Variants in OTUD7A observed in about 807,000 individuals in gnomAD.
OTUD7A encodes OTU domain-containing protein 7A.
In OTUD7A, 12 loss-of-function variants were observed where a neutral mutation model predicts 65.7. That is an observed-to-expected ratio of 0.18 (90% confidence interval 0.12 to 0.30). OTUD7A has a LOEUF of 0.30. Among genes scored for constraint, OTUD7A ranks in the 10% least tolerant of loss-of-function variants. The pLI, the probability that OTUD7A is intolerant of heterozygous loss-of-function variation, is 1.00. For synonymous variants in OTUD7A, 641 were observed against 586.3 expected (o/e 1.09, Z -1.35); for missense variants, 1,148 against 1,304.8 (o/e 0.88, Z 1.85).
intron 1 of OTUD7A, among the ~76,000 whole-genome samples, chr15:31,834,426 C>A (rs1897006442): frequency 6.6e-6 from 1 of 152,192 alleles, no homozygotes; most frequent in South Asian, 2.1e-4. Context: ...TTAAATTAAT[C>A]AATCATGTTT....
intron 6 of OTUD7A, among the ~76,000 whole-genome samples, chr15:31,528,255 G>C (rs2042041264): frequency 6.6e-6 from 1 of 152,236 alleles, no homozygotes; most frequent in African/African-American, 2.4e-5. Flanking sequence ...CGTGAATGGA[G>C]ACATAGGAGC....
At chr15:31,799,648 C>G (rs2140947029) in intron 1 of OTUD7A, among the ~76,000 whole-genome samples, 1 of 152,306 alleles carries the variant, frequency 6.6e-6, no homozygotes, top group East Asian at 1.9e-4. Flanking sequence ...CTACCAGCAC[C>G]TTGACCTTGG....
In OTUD7A at chr15:31,479,809, G is replaced by A. The variant is rs914468954; in HGVS notation, c.*3485C>T. 1.3e-5 allele frequency: 2 copies of A among 152,144 alleles called. No individual in the cohort carries two copies. The highest frequency in any genetic ancestry group is 4.8e-5 in the African/African-American group (2 of 41,416). The allele number at this position is 152,144 out of a possible 1,614,324, so 9.4% of individuals were successfully genotyped here. ...CCCAATTCTTGACAGTAAGCTACGA[G>A]AAGTAGTAAATTAAATCATTTGGGA... On this transcript the variant is annotated 3_prime_UTR_variant, in exon 13 of 13. Coordinates refer to ENST00000307050, the MANE Select transcript of OTUD7A (RefSeq NM_001382637.1).
chr15:31,745,582 C>G (rs1894454151), intron 1 of OTUD7A, among the ~76,000 whole-genome samples: 1 of 152,054 alleles, frequency 6.6e-6, no homozygotes, highest in African/African-American at 2.4e-5. Context: ...CAACTATAAC[C>G]TTTTTCAGAA....
At chr15:31,710,327 C>T (rs1035066582) in intron 1 of OTUD7A, among the ~76,000 whole-genome samples, 34 of 149,442 alleles carry the variant, frequency 2.3e-4, no homozygotes, top group Non-Finnish European at 4.3e-4. Context: ...CTAGTCAGGC[C>T]ACAATCAATT....
Position 31,846,689 on chromosome 15 carries a change from T to C in OTUD7A, c.-100+23818A>G, listed in dbSNP as rs8031570. 7.3e-3 allele frequency among the ~76,000 whole-genome samples: 1,106 copies of C among 152,272 alleles called. 15 individuals carry two copies. The highest frequency in any genetic ancestry group is 0.025 in the African/African-American group (1,027 of 41,548). On this transcript the variant is annotated intron_variant, in intron 1 of 12. Transcript: ENST00000307050. ...ATTCAACACAGTGTCACATGGCCAC[T>C]GAAACCTCGGTTTAAGAAGAATATT...
At chr15:31,485,446 A>G (rs980374562) in intron 12 of OTUD7A, among the ~76,000 whole-genome samples, 2 of 152,148 alleles carry the variant, frequency 1.3e-5, no homozygotes, top group African/African-American at 4.8e-5. Flanking sequence ...AGCAAAAAAG[A>G]TGTTCCCATT....
intron 1 of OTUD7A, among the ~76,000 whole-genome samples, chr15:31,785,199 C>G (rs956857530): frequency 4.6e-5 from 7 of 152,278 alleles, no homozygotes; most frequent in South Asian, 2.1e-4. Context: ...CCAGACCATG[C>G]AAGTACACTT....
intron 1 of OTUD7A, among the ~76,000 whole-genome samples, chr15:31,661,668 T>A (rs1040631808): frequency 1.3e-5 from 2 of 152,168 alleles, no homozygotes; most frequent in African/African-American, 4.8e-5. Context: ...ACTACTTCCA[T>A]CTCTCTCTAA....
intron 3 of OTUD7A, among the ~76,000 whole-genome samples, chr15:31,592,937 G>A (rs1244695132): frequency 4.8e-4 from 30 of 62,626 alleles, no homozygotes; most frequent in Non-Finnish European, 6.2e-4. Context: ...ATATATATAT[G>A]TATATATACA....
chr15:31,597,950 C>T (rs891614608), intron 3 of OTUD7A, among the ~76,000 whole-genome samples: 2 of 152,130 alleles, frequency 1.3e-5, no homozygotes, highest in Non-Finnish European at 2.9e-5. Flanking sequence ...GCAGTGGGAA[C>T]TTTCGAGTTT....
intron 3 of OTUD7A, among the ~76,000 whole-genome samples, chr15:31,598,258 T>G (rs899679339): frequency 2.0e-5 from 3 of 152,180 alleles, no homozygotes; most frequent in Non-Finnish European, 4.4e-5. Flanking sequence ...CCCAGTGAGA[T>G]CGACGCAGAA....
chr15:31,484,674 C>G lies in OTUD7A; in HGVS notation c.1422G>C (p.Val474=). ...ESPTASAGED[V]QSLADSLDSD... ...AGTCCAGCGAGTCGGCCAGGGACTG[C>G]ACGTCCTCCCCTGCCGAGGCCGTGG... The change falls in exon 13 of 13, where the codon GTG becomes GTC. Residue 474 remains valine, a synonymous_variant. Transcript: ENST00000307050. The surrounding 1 kb of genome is among the most constrained non-coding windows in gnomAD (Gnocchi z 4.5). 6.3e-7 allele frequency: 1 copy of G among 1,582,180 alleles called. No individual in the cohort carries two copies. The highest frequency in any genetic ancestry group is 8.6e-7 in the Non-Finnish European group (1 of 1,167,940).
intron 1 of OTUD7A, among the ~76,000 whole-genome samples, chr15:31,729,097 T>C (rs1367068338): frequency 2.0e-5 from 3 of 152,178 alleles, no homozygotes; most frequent in Non-Finnish European, 4.4e-5. Context: ...TCTAAATTAT[T>C]GTTGTTAATC....
At position 31,484,547 on chromosome 15, in the gene OTUD7A, C is replaced by T. The variant is rs1299541782; in HGVS notation, c.1549G>A (p.Ala517Thr). 4 of 1,611,232 alleles carry T rather than the reference C, an allele frequency of 2.5e-6. No homozygotes were observed. The highest frequency in any genetic ancestry group is 1.3e-5 in the African/African-American group (1 of 74,916). The change falls in exon 13 of 13, where the codon GCC becomes ACC. Residue 517 changes from alanine (A) to threonine (T), a missense_variant. Around this residue, in one of 6 missense-constraint regions of OTUD7A, gnomAD observed 842 missense variants for 769.5 expected, o/e 1.09. Transcript: ENST00000307050. The surrounding 1 kb of genome is among the most constrained non-coding windows in gnomAD (Gnocchi z 4.5). ...CCCAGCTTGTTGGCCACGGAGTCGG[C>T]GCGCGTCTTGTCCTTCTCCTTGCGC... Reference protein sequence around the residue: ...KQRKEKDKTRADSVANKLGSF... With the variant: ...KQRKEKDKTRTDSVANKLGSF...
intron 8 of OTUD7A, among the ~76,000 whole-genome samples, chr15:31,508,671 G>A (rs934171932): frequency 1.3e-5 from 2 of 152,240 alleles, no homozygotes; most frequent in East Asian, 3.8e-4. Context: ...TTTGTAGGCT[G>A]GTGCTGATGT....
At chr15:31,767,589 C>G in intron 1 of OTUD7A, 3 of 812,544 alleles carry the variant, frequency 3.7e-6, no homozygotes, top group Non-Finnish European at 6.6e-6. Context: ...ATGACTTCTT[C>G]TAGGGATGGC....
chr15:31,847,006 T>G (rs1007039754), intron 1 of OTUD7A, among the ~76,000 whole-genome samples: 4 of 152,134 alleles, frequency 2.6e-5, no homozygotes, highest in African/African-American at 9.7e-5. Flanking sequence ...TGTTCCCTGC[T>G]AGGCAGGGCA....
At chr15:31,689,409 A>C (rs1004646427) in intron 1 of OTUD7A, 5 of 150,098 alleles carry the variant, frequency 3.3e-5, no homozygotes, top group African/African-American at 1.2e-4. Context: ...ATGCAGGCCA[A>C]CACTGCGCCG....
Sources: gnomAD v4.1 joint callset for allele counts (sites outside exome capture counted in the v4.1 genomes callset) on GRCh38, gnomAD v4.1.1 for gene constraint, gnomAD v4.1.1 regional missense constraint, Gnocchi (gnomAD v3.1) non-coding constraint, MANE v1.5 for transcripts, NCBI Gene and HGNC (gene_info 2026-07-23, HGNC 2026-07-21) for gene names.